Variants in WIZ observed in about 807,000 individuals in gnomAD.
WIZ encodes the protein WIZ zinc finger.
WIZ carries 25 observed loss-of-function variants against 140.2 expected under a neutral mutation model. The ratio of observed to expected loss-of-function variants is 0.18; its 90% confidence interval spans 0.13 to 0.25. The LOEUF (loss-of-function observed/expected upper bound fraction) is 0.25, where lower values mean the gene tolerates loss of function less well. WIZ is among the 10% of genes least tolerant of loss of function. The probability of loss-of-function intolerance (pLI) is 1.00; values close to 1 mark genes in which losing one functional copy is unlikely to be tolerated. For synonymous variants in WIZ, 1,125 were observed against 1,154.3 expected (o/e 0.97, Z 0.51); for missense variants, 2,231 against 2,632.6 (o/e 0.85, Z 3.34).
At position 15,425,829 on chromosome 19, in the gene WIZ, AGGAGGAG is replaced by A. The variant is rs1968751035; in HGVS notation, c.4367-68_4367-62del. The A allele has an allele frequency of 2.5e-4, 11 of 43,922 alleles. 1 individual carries two copies. Among genetic ancestry groups the A allele is most frequent in the East Asian group, 7.9e-4 (3 of 3,798 alleles). 2.7% of individuals were successfully genotyped at this position (43,922 alleles called of 1,614,324 possible). On this transcript the variant is annotated intron_variant, in intron 9 of 12. Coordinates refer to ENST00000673675, the MANE Select transcript of WIZ (RefSeq NM_001371589.1). ...GGAGGAGGAGGAGGGAGGAGGAGGGAGGAGGAGGGAGGAGGAGGAGGGAGGAGGGAGG... is the reference window on the plus strand; with the variant it reads ...GGAGGAGGAGGAGGGAGGAGGAGGGAGGAGGAGGAGGAGGGAGGAGGGAGG...
rs1391052872 is a variant in WIZ at position 15,432,341 on chromosome 19, C to G, written c.2741-1159G>C. Reference sequence around the variant, plus strand: ...AAGGGCCTGGGGGAGGGGGGGGTCCCGCAGACTGGACGGAAGGCGTCGGGG... The same window carrying G: ...AAGGGCCTGGGGGAGGGGGGGGTCCGGCAGACTGGACGGAAGGCGTCGGGG... On this transcript the variant is annotated intron_variant, in intron 5 of 12. Transcript: ENST00000673675. 23 of 759,964 alleles carry G rather than the reference C, an allele frequency of 3.0e-5. 1 individual carries two copies. In the East Asian group the frequency reaches 1.3e-3, roughly 43 times the overall value. The allele number at this position is 759,964 out of a possible 1,614,324, so 47.1% of individuals were successfully genotyped here.
In WIZ at chr19:15,449,867, GC is replaced by G. The variant is rs1288679043; in HGVS notation, c.-131del. The G allele has an allele frequency of 6.7e-6, 1 of 149,420 alleles. No homozygotes were observed. The highest frequency in any genetic ancestry group is 2.4e-5 in the African/African-American group (1 of 40,980). The allele number at this position is 149,420 out of a possible 1,614,324, so 9.3% of individuals were successfully genotyped here. A position where few individuals can be genotyped will look rare whatever the true frequency, so the allele number is the denominator to read the frequency against. ...CCTCCTTGGTGCGGCCGTCGCTGCC[GC>G]TACCGCCGCTGCCGCTCCCGGTGCC... On this transcript the variant is annotated 5_prime_UTR_variant, in exon 1 of 13. It removes the in-frame stop codon of an upstream open reading frame in the 5' UTR. Transcript: ENST00000673675.
chr19:15,428,527 G>C lies in WIZ; in HGVS notation c.3416-19C>G. ...TCTAAAGCTGCGGAGACAAAACACA[G>C]GGGGGGTTCACGGCCGCCACCTTGG... On this transcript the variant is annotated intron_variant, in intron 7 of 12. Transcript: ENST00000673675. The surrounding 1 kb of genome is among the most constrained non-coding windows in gnomAD (Gnocchi z 6.4). The C allele has an allele frequency of 3.9e-6, 6 of 1,535,120 alleles. No homozygotes were observed. The highest frequency in any genetic ancestry group is 5.2e-6 in the Non-Finnish European group (6 of 1,146,594).
chr19:15,440,833 T>G lies in WIZ; in HGVS notation c.279-118A>C. On this transcript the variant is annotated intron_variant, in intron 3 of 12. Transcript: ENST00000673675. The surrounding 1 kb of genome is among the most constrained non-coding windows in gnomAD (Gnocchi z 6.2). Reference sequence around the variant, plus strand: ...AGGCCCCGGAGATCCAGCCCGAGGGTGACAGGGGTGTGGGGGTGAGGGTGG... The same window carrying G: ...AGGCCCCGGAGATCCAGCCCGAGGGGGACAGGGGTGTGGGGGTGAGGGTGG... 9.8e-6 allele frequency: 9 copies of G among 921,342 alleles called. No individual in the cohort carries two copies. Among genetic ancestry groups the G allele is most frequent in the Non-Finnish European group, 1.4e-5 (9 of 647,500 alleles). The allele number at this position is 921,342 out of a possible 1,614,324, so 57.1% of individuals were successfully genotyped here. A position where few individuals can be genotyped will look rare whatever the true frequency, so the allele number is the denominator to read the frequency against.
intron 7 of WIZ, 105 bp downstream of exon 7, chr19:15,429,481 A>ACCCCC: frequency 2.1e-5 from 16 of 774,580 alleles, no homozygotes; most frequent in Middle Eastern, 4.2e-4. Context: ...TGTAGTCCCC[A>ACCCCC]CCGCCCCCAC....
chr19:15,440,087 TGGCCACCCCTTC>T lies in WIZ; in HGVS notation c.895_906del (p.Glu299_Ala302del). The T allele has an allele frequency of 6.5e-7, 1 of 1,535,026 alleles. No homozygotes were observed. Reference sequence around the variant, plus strand: ...TCCTCGTCCTCGTCCTCATCTGGGCTGGCCACCCCTTCGGCCACCTCCTCCAGCAGCTCACAC... The same window carrying T: ...TCCTCGTCCTCGTCCTCATCTGGGCTGGCCACCTCCTCCAGCAGCTCACAC... On this transcript the variant is annotated inframe_deletion, in exon 4 of 13. Coordinates refer to ENST00000673675, the MANE Select transcript of WIZ (RefSeq NM_001371589.1). This position sits in a 1 kb window ranked among gnomAD's most constrained non-coding sequence, Gnocchi z 6.2.
chr19:15,429,898 C>A lies in WIZ; in HGVS notation c.3103G>T (p.Gly1035Cys). Residue 1035 changes from glycine to cysteine, a missense_variant, in exon 7 of 13, where the codon GGC becomes TGC. By Grantham distance (159) the Gly-to-Cys change is radical. Around this residue, in one of 15 missense-constraint regions of WIZ, gnomAD observed 163 missense variants for 166.8 expected, o/e 0.98. Coordinates refer to ENST00000673675, the MANE Select transcript of WIZ (RefSeq NM_001371589.1). ...LPDAHLGLPP[G>C]LAKKSSSLKE... is the part of the protein sequence containing the mutation. The stretch of plus-strand genomic sequence containing the variant: ...AGTGAGCTGGACTTCTTAGCCAGGC[C>A]TGGGGGCAGCCCAAGGTGGGCGTCA... The A allele has an allele frequency of 2.0e-6, 3 of 1,535,902 alleles. No homozygotes were observed. The highest frequency in any genetic ancestry group is 2.6e-6 in the Non-Finnish European group (3 of 1,146,754).
rs1268293392 is a variant in WIZ at position 15,421,929 on chromosome 19, T to C, written c.*1147A>G. ...GCCTAAAGAGCCAACAGCTGGGAACTTGGGCTCATCCCCAGCTGCGTCTGG... is the reference window on the plus strand; with the variant it reads ...GCCTAAAGAGCCAACAGCTGGGAACCTGGGCTCATCCCCAGCTGCGTCTGG... On this transcript the variant is annotated 3_prime_UTR_variant, in exon 13 of 13. Transcript: ENST00000673675. 2 of 152,234 alleles carry C rather than the reference T, an allele frequency of 1.3e-5. No homozygotes were observed. Among genetic ancestry groups the C allele is most frequent in the African/African-American group, 2.4e-5 (1 of 41,460 alleles). 9.4% of individuals were successfully genotyped at this position (152,234 alleles called of 1,614,324 possible). A position where few individuals can be genotyped will look rare whatever the true frequency, so the allele number is the denominator to read the frequency against.
Position 15,439,388 on chromosome 19 carries a change from A to G in WIZ, c.1606T>C (p.Trp536Arg). 1 of 1,529,520 alleles carries G rather than the reference A, an allele frequency of 6.5e-7. No individual in the cohort carries two copies. Among genetic ancestry groups the G allele is most frequent in the Non-Finnish European group, 8.8e-7 (1 of 1,142,364 alleles). 94.7% of individuals were successfully genotyped at this position (1,529,520 alleles called of 1,614,324 possible). A position where few individuals can be genotyped will look rare whatever the true frequency, so the allele number is the denominator to read the frequency against. ...TCGTATCCAGCAGGGTTCTCCCGCC[A>G]CATGGGGGCCAAGGACGGCTCAGCT... ...GKAEPSLAPM[W>R]RENPAGYDPS... Residue 536 changes from tryptophan (W) to arginine (R), a missense_variant, in exon 4 of 13, where the codon TGG becomes CGG. By Grantham distance (101) the Trp-to-Arg change is moderately radical (BLOSUM62 -3). Around this residue, in one of 15 missense-constraint regions of WIZ, gnomAD observed 475 missense variants for 520.2 expected, o/e 0.91. Coordinates refer to ENST00000673675, the MANE Select transcript of WIZ (RefSeq NM_001371589.1). This position sits in a 1 kb window ranked among gnomAD's most constrained non-coding sequence, Gnocchi z 7.0.
Position 15,446,725 on chromosome 19 carries a change from C to T in WIZ, c.205+1378G>A, listed in dbSNP as rs142510033. Among the ~76,000 whole-genome samples, 140 of 152,348 alleles carry T rather than the reference C, an allele frequency of 9.2e-4. 3 individuals are homozygous for T. In the Middle Eastern group the frequency reaches 0.01, roughly 11 times the overall value. Reference sequence around the variant, plus strand: ...ACCAGGTGCTTTCCTCATCACAGCCCCAGCCGCTGTGTCATAACACCTGGT... The same window carrying T: ...ACCAGGTGCTTTCCTCATCACAGCCTCAGCCGCTGTGTCATAACACCTGGT... On this transcript the variant is annotated intron_variant, in intron 2 of 12. Coordinates refer to ENST00000673675, the MANE Select transcript of WIZ (RefSeq NM_001371589.1).
intron 5 of WIZ, 147 bp downstream of exon 5, chr19:15,436,659 T>A: frequency 1.3e-6 from 1 of 786,242 alleles, no homozygotes; most frequent in Non-Finnish European, 1.9e-6. Flanking sequence ...AGCAGGGTGG[T>A]TGTAAGGAAA....
chr19:15,428,318 G>T lies in WIZ; in HGVS notation c.3606C>A (p.Leu1202=). The T allele has an allele frequency of 6.5e-7, 1 of 1,533,942 alleles. No individual in the cohort carries two copies. The highest frequency in any genetic ancestry group is 8.7e-7 in the Non-Finnish European group (1 of 1,146,078). ...LIRRDGVQIR[L]PPRRGALAHP... ...GGGCCAGGGCGCCGCGCCTGGGTGG[G>T]AGGCGGATCTGGACGCCGTCCCTCC... is the stretch of plus-strand genomic sequence containing the variant. Residue 1202 remains leucine (L), a synonymous_variant, in exon 8 of 13, where the codon CTC becomes CTA. Coordinates refer to ENST00000673675, the MANE Select transcript of WIZ (RefSeq NM_001371589.1). The surrounding 1 kb of genome is among the most constrained non-coding windows in gnomAD (Gnocchi z 6.4).
chr19:15,439,130 C>T lies in WIZ; in HGVS notation c.1864G>A (p.Glu622Lys), dbSNP rs543797398. The change falls in exon 4 of 13, where the codon GAG becomes AAG. Residue 622 changes from glutamate to lysine, a missense_variant. By Grantham distance (56) the Glu-to-Lys change is moderately conservative. This residue lies in a region of WIZ where 475 missense variants were observed against 520.2 expected (regional missense o/e 0.91). Transcript: ENST00000673675. The surrounding 1 kb of genome is among the most constrained non-coding windows in gnomAD (Gnocchi z 7.0). ...GAGGTCAGCACTACATCCTCCTCCTCCTCCTCCTCCTCCTCCTCTTCGCTC... is the reference window on the plus strand; with the variant it reads ...GAGGTCAGCACTACATCCTCCTCCTTCTCCTCCTCCTCCTCCTCTTCGCTC... ...PWSEEEEEEEEEEDVVLTSEM... is the reference protein window; with the variant it reads ...PWSEEEEEEEKEEDVVLTSEM... The T allele has an allele frequency of 1.1e-5, 11 of 1,017,488 alleles. No homozygotes were observed. The African/African-American group carries it at 1.3e-4, about 12-fold the overall frequency. 63.0% of individuals were successfully genotyped at this position (1,017,488 alleles called of 1,614,324 possible).
chr19:15,442,407 G>A lies in WIZ; in HGVS notation c.278+269C>T, dbSNP rs913686205. Among the ~76,000 whole-genome samples, 2 of 152,202 alleles carry A rather than the reference G, an allele frequency of 1.3e-5. No individual in the cohort carries two copies. The highest frequency in any genetic ancestry group is 4.8e-5 in the African/African-American group (2 of 41,440). ...TTCTAAGGGTCACCTGGCAGAGAGA[G>A]GACTTGAAGGGTCCAACATCCAGGC... On this transcript the variant is annotated intron_variant, in intron 3 of 12. Coordinates refer to ENST00000673675, the MANE Select transcript of WIZ (RefSeq NM_001371589.1). This position sits in a 1 kb window ranked among gnomAD's most constrained non-coding sequence, Gnocchi z 5.5.
chr19:15,428,429 G>A lies in WIZ; in HGVS notation c.3495C>T (p.Ser1165=). 6.5e-7 allele frequency: 1 copy of A among 1,535,688 alleles called. No individual in the cohort carries two copies. Among genetic ancestry groups the A allele is most frequent in the East Asian group, 2.4e-5 (1 of 40,910 alleles). ...AWFETRKGLS[S]HARAHLRHLG... ...GGTGGCGCAGGTGGGCACGGGCGTG[G>A]CTAGACAGGCCCTTGCGGGTCTCAA... The change falls in exon 8 of 13, where the codon AGC becomes AGT. Residue 1165 remains serine (S), a synonymous_variant. Transcript: ENST00000673675. The surrounding 1 kb of genome is among the most constrained non-coding windows in gnomAD (Gnocchi z 6.4).
In WIZ at chr19:15,424,856, G is replaced by A. The variant is rs200965713; in HGVS notation, c.5071C>T (p.Arg1691Cys). 83 of 1,611,002 alleles carry A rather than the reference G, an allele frequency of 5.2e-5. No individual in the cohort carries two copies. The highest frequency in any genetic ancestry group is 6.9e-5 in the Non-Finnish European group (81 of 1,179,374). Residue 1691 changes from arginine to cysteine, a missense_variant, in exon 11 of 13, where the codon CGC (arginine) becomes TGC (cysteine). Arg to Cys is a radical substitution (Grantham distance 180, BLOSUM62 -3). Around this residue, in one of 15 missense-constraint regions of WIZ, gnomAD observed 299 missense variants for 309.6 expected, o/e 0.97. Transcript: ENST00000673675. This position sits in a 1 kb window ranked among gnomAD's most constrained non-coding sequence, Gnocchi z 9.7. ...KHRPQKVGAY[R>C]SYIQGGRPFT... The stretch of plus-strand genomic sequence containing the variant: ...GGGCGGCCGCCCTGGATGTAGCTGC[G>A]GTAGGCGCCCACCTTCTGGGGCCGG...
At position 15,428,289 on chromosome 19, in the gene WIZ, G is replaced by T; in HGVS notation, c.3635C>A (p.Pro1212Gln). 1 of 1,529,630 alleles carries T rather than the reference G, an allele frequency of 6.5e-7. No individual in the cohort carries two copies. 94.8% of individuals were successfully genotyped at this position (1,529,630 alleles called of 1,614,324 possible). A position where few individuals can be genotyped will look rare whatever the true frequency, so the allele number is the denominator to read the frequency against. Residue 1212 changes from proline to glutamine, a missense_variant, in exon 8 of 13, where the codon CCG becomes CAG. Around this residue, in one of 15 missense-constraint regions of WIZ, gnomAD observed 141 missense variants for 161.2 expected, o/e 0.87. Transcript: ENST00000673675. The surrounding 1 kb of genome is among the most constrained non-coding windows in gnomAD (Gnocchi z 6.4). ...LPPRRGALAH[P>Q]GRPPPTSAAL... is the part of the protein sequence containing the mutation. ...CGCGGAGGTGGGAGGCGGCCGCCCC[G>T]GGTGGGCCAGGGCGCCGCGCCTGGG...
In WIZ at chr19:15,439,593, G is replaced by T; in HGVS notation, c.1401C>A (p.Val467=). ...YGAAVGLSAC[V]FCGFPAPSES... is the part of the protein sequence containing the mutation. ...CGCTGGGCGCGGGGAAACCACAGAA[G>T]ACACAGGCGCTGAGGCCAACGGCAG... is the stretch of plus-strand genomic sequence containing the variant. The change falls in exon 4 of 13, where the codon GTC becomes GTA. Residue 467 remains valine, a synonymous_variant. Coordinates refer to ENST00000673675, the MANE Select transcript of WIZ (RefSeq NM_001371589.1). This position sits in a 1 kb window ranked among gnomAD's most constrained non-coding sequence, Gnocchi z 7.0. 1 of 1,485,512 alleles carries T rather than the reference G, an allele frequency of 6.7e-7. No homozygotes were observed. The highest frequency in any genetic ancestry group is 1.3e-5 in the South Asian group (1 of 78,438). 92.0% of individuals were successfully genotyped at this position (1,485,512 alleles called of 1,614,324 possible).
In WIZ at chr19:15,429,645, C is replaced by CGGGGGCTCAGGGACAGCT. The variant is rs1353551708; in HGVS notation, c.3338_3355dup (p.Gln1113_Pro1118dup). On this transcript the variant is annotated inframe_insertion, in exon 7 of 13. Transcript: ENST00000673675. The stretch of plus-strand genomic sequence containing the variant: ...CCACTGTGCCTTTGGGGAGGCCGGC[C>CGGGGGCTCAGGGACAGCT]GGGGGCTCAGGGACAGCTGGGGGCT... 96 of 1,419,560 alleles carry CGGGGGCTCAGGGACAGCT rather than the reference C, an allele frequency of 6.8e-5. No homozygotes were observed. Among genetic ancestry groups the CGGGGGCTCAGGGACAGCT allele is most frequent in the South Asian group, 4.6e-4 (30 of 64,852 alleles). The allele number at this position is 1,419,560 out of a possible 1,614,324, so 87.9% of individuals were successfully genotyped here. A position where few individuals can be genotyped will look rare whatever the true frequency, so the allele number is the denominator to read the frequency against.
Sources: gnomAD v4.1 joint callset for allele counts (sites outside exome capture counted in the v4.1 genomes callset) on GRCh38, gnomAD v4.1.1 for gene constraint, gnomAD v4.1.1 regional missense constraint, Gnocchi (gnomAD v3.1) non-coding constraint, MANE v1.5 for transcripts, NCBI Gene and HGNC (gene_info 2026-07-23, HGNC 2026-07-21) for gene names.